The following SH3PXD2B variants were observed in gnomAD, a reference collection of about 807,000 sequenced individuals.
SH3PXD2B encodes SH3 and PX domains 2B, also known as SH3 and PX domain-containing protein 2B.
Under a neutral mutation model 73.1 loss-of-function variants are expected in SH3PXD2B, and 37 were observed. That is an observed-to-expected ratio of 0.51 (90% CI 0.39 to 0.67). The LOEUF (loss-of-function observed/expected upper bound fraction) is 0.67. Ranked by LOEUF, SH3PXD2B falls within the 30% of genes least tolerant of loss-of-function variation. The probability of loss-of-function intolerance (pLI) is 0.00; values close to 1 mark genes in which losing one functional copy is unlikely to be tolerated. For missense variants in SH3PXD2B, 1,053 were observed against 1,197.8 expected (o/e 0.88, Z 1.78); for synonymous variants, 457 against 480.5 (o/e 0.95, Z 0.64).
At chr5:172,356,382 T>C (rs1757278568) in intron 8 of SH3PXD2B, among the ~76,000 whole-genome samples, 1 of 152,152 alleles carries the variant, frequency 6.6e-6, no homozygotes, top group Admixed American at 6.5e-5. Context: ...CTTAACCCGG[T>C]TTACATGGAT....
intron 1 of SH3PXD2B, among the ~76,000 whole-genome samples, chr5:172,433,973 C>T (rs1261531570): frequency 6.6e-6 from 1 of 152,154 alleles, no homozygotes; most frequent in African/African-American, 2.4e-5. Context: ...CCCCATTAAG[C>T]ATGCAAGAAT....
rs1271046674 is a variant in SH3PXD2B at position 172,337,118 on chromosome 5, AACC to A, written c.*1248_*1250del. Reference sequence around the variant, plus strand: ...AGAAGAGGGAACAGGGCTCTGTGTCAACCACCAGGACCCTGGCATTCTCCTGTC... The same window carrying A: ...AGAAGAGGGAACAGGGCTCTGTGTCAACCAGGACCCTGGCATTCTCCTGTC... On this transcript the variant is annotated 3_prime_UTR_variant, in exon 13 of 13. Transcript: ENST00000311601. 3.0e-6 allele frequency: 3 copies of A among 985,302 alleles called. No individual in the cohort carries two copies. In the African/African-American group the frequency reaches 5.2e-5, roughly 17 times the overall value. The allele number at this position is 985,302 out of a possible 1,614,324, so 61.0% of individuals were successfully genotyped here. A position where few individuals can be genotyped will look rare whatever the true frequency, so the allele number is the denominator to read the frequency against.
At position 172,336,998 on chromosome 5, in the gene SH3PXD2B, G is replaced by A. The variant is rs748548885; in HGVS notation, c.*1371C>T. The A allele has an allele frequency of 8.1e-6, 8 of 985,386 alleles. No individual in the cohort carries two copies. The highest frequency in any genetic ancestry group is 1.1e-4 in the East Asian group (1 of 8,818). 61.0% of individuals were successfully genotyped at this position (985,386 alleles called of 1,614,324 possible). On this transcript the variant is annotated 3_prime_UTR_variant, in exon 13 of 13. Coordinates refer to ENST00000311601, the MANE Select transcript of SH3PXD2B (RefSeq NM_001017995.3). ...TGGTTACCTGCCTCCCTATGGGACC[G>A]CTGCATGCTATGCTCAGAGCCCTCC...
chr5:172,383,898 G>C (rs1230304872), intron 4 of SH3PXD2B, among the ~76,000 whole-genome samples: 1 of 151,180 alleles, frequency 6.6e-6, no homozygotes, highest in Non-Finnish European at 1.5e-5. Context: ...CCAGGCTGGA[G>C]TGCTGTGGTG....
chr5:172,339,393 G>T lies in SH3PXD2B; in HGVS notation c.1712C>A (p.Pro571Gln), dbSNP rs111230322. 6.2e-7 allele frequency: 1 copy of T among 1,614,204 alleles called. No individual in the cohort carries two copies. The highest frequency in any genetic ancestry group is 1.1e-5 in the South Asian group (1 of 91,086). The change falls in exon 13 of 13, where the codon CCA (proline) becomes CAA (glutamine). Residue 571 changes from proline to glutamine, a missense_variant. This residue lies in a region of SH3PXD2B where 587 missense variants were observed against 590.7 expected (regional missense o/e 0.99). Transcript: ENST00000311601. This position sits in a 1 kb window ranked among gnomAD's most constrained non-coding sequence, Gnocchi z 6.1. Reference sequence around the variant, plus strand: ...CTCTGGCCTCCTGCTGTCCCGGGCTGGAGGGATGTGTTTGGCTGGCATCAT... The same window carrying T: ...CTCTGGCCTCCTGCTGTCCCGGGCTTGAGGGATGTGTTTGGCTGGCATCAT... ...LPMMPAKHIP[P>Q]ARDSRRPEPK...
At chr5:172,363,003 T>C in intron 6 of SH3PXD2B, 134 bp from the exon 7 acceptor site, 3 of 1,175,234 alleles carry the variant, frequency 2.6e-6, no homozygotes, top group Non-Finnish European at 3.7e-6. Flanking sequence ...CAAGGGTGAC[T>C]TCATCCATTC....
Position 172,339,723 on chromosome 5 carries a change from C to T in SH3PXD2B, c.1382G>A (p.Ser461Asn). The change falls in exon 13 of 13, where the codon AGC (serine) becomes AAC (asparagine). Residue 461 changes from serine (S) to asparagine (N), a missense_variant. Around this residue, in one of 2 missense-constraint regions of SH3PXD2B, gnomAD observed 587 missense variants for 590.7 expected, o/e 0.99. Coordinates refer to ENST00000311601, the MANE Select transcript of SH3PXD2B (RefSeq NM_001017995.3). This position sits in a 1 kb window ranked among gnomAD's most constrained non-coding sequence, Gnocchi z 6.1. Reference sequence around the variant, plus strand: ...GGGCCGGGAGGGGCCCGTGGCTTCGCTGCCCGTGTTGTTCTCCAGCGCTGC... The same window carrying T: ...GGGCCGGGAGGGGCCCGTGGCTTCGTTGCCCGTGTTGTTCTCCAGCGCTGC... ...EAAALENNTG[S>N]EATGPSRPLP... The T allele has an allele frequency of 2.5e-6, 4 of 1,614,176 alleles. No individual in the cohort carries two copies. The highest frequency in any genetic ancestry group is 3.4e-6 in the Non-Finnish European group (4 of 1,180,002).
At chr5:172,329,802 G>T (rs1581252784), downstream of SH3PXD2B, among the ~76,000 whole-genome samples, 1 of 152,282 alleles carries the variant, frequency 6.6e-6, no homozygotes, top group East Asian at 1.9e-4. Context: ...CTCCCAAAGT[G>T]CTGGGATTAC....
intron 2 of SH3PXD2B, among the ~76,000 whole-genome samples, chr5:172,419,368 C>T (rs1758903887): frequency 6.6e-6 from 1 of 151,760 alleles, no homozygotes; most frequent in African/African-American, 2.4e-5. Flanking sequence ...CTCTACGTCC[C>T]CACCTCCTCG....
intron 2 of SH3PXD2B, among the ~76,000 whole-genome samples, chr5:172,417,823 C>G (rs1758860495): frequency 6.6e-6 from 1 of 152,164 alleles, no homozygotes; most frequent in East Asian, 1.9e-4. Flanking sequence ...TAAAAGTCAC[C>G]CTTTTAGAGT....
intron 1 of SH3PXD2B, among the ~76,000 whole-genome samples, chr5:172,448,817 C>A (rs1417723323): frequency 6.6e-6 from 1 of 152,252 alleles, no homozygotes. Flanking sequence ...TTACCTCTAA[C>A]ACCCGAGTTC....
chr5:172,430,508 CAGTCTGAATGGAAGGG>C (rs1366308410), intron 1 of SH3PXD2B, among the ~76,000 whole-genome samples: 1 of 152,254 alleles, frequency 6.6e-6, no homozygotes, highest in Non-Finnish European at 1.5e-5. Flanking sequence ...CCCTGGGCCT[CAGTCTGAATGGAAGGG>C]AGCCATTATC....
downstream of SH3PXD2B, among the ~76,000 whole-genome samples, chr5:172,330,506 G>A (rs528683074): frequency 6.6e-5 from 10 of 152,306 alleles, no homozygotes; most frequent in Non-Finnish European, 1.3e-4. Context: ...GAAACCCAGT[G>A]TAAGTAAACC....
At chr5:172,397,985 C>G (rs1481349348) in intron 3 of SH3PXD2B, among the ~76,000 whole-genome samples, 1 of 152,210 alleles carries the variant, frequency 6.6e-6, no homozygotes, top group African/African-American at 2.4e-5. Context: ...CAATGGAAAT[C>G]TGACACACCT....
In SH3PXD2B at chr5:172,337,728, C is replaced by T. The variant is rs890526576; in HGVS notation, c.*641G>A. The stretch of plus-strand genomic sequence containing the variant: ...CGGTCCCAAGATAGAAGGTGGGAGG[C>T]AGGGCGGCTGAGCGGATCTCCAGGC... On this transcript the variant is annotated 3_prime_UTR_variant, in exon 13 of 13. Transcript: ENST00000311601. 1.2e-5 allele frequency: 12 copies of T among 992,624 alleles called. No homozygotes were observed. The African/African-American group carries it at 1.2e-4, about 10-fold the overall frequency. The allele number at this position is 992,624 out of a possible 1,614,324, so 61.5% of individuals were successfully genotyped here.
chr5:172,334,398 T>A lies in SH3PXD2B; in HGVS notation c.*3971A>T. 1.0e-6 allele frequency: 1 copy of A among 991,188 alleles called. No individual in the cohort carries two copies. The highest frequency in any genetic ancestry group is 1.1e-4 in the East Asian group (1 of 8,840). The allele number at this position is 991,188 out of a possible 1,614,324, so 61.4% of individuals were successfully genotyped here. On this transcript the variant is annotated 3_prime_UTR_variant, in exon 13 of 13. Transcript: ENST00000311601. ...CCCTGCACCCTCAGGCCTCGATGCATGCTGCTCTACCTCTCATCAGCCCAC... is the reference window on the plus strand; with the variant it reads ...CCCTGCACCCTCAGGCCTCGATGCAAGCTGCTCTACCTCTCATCAGCCCAC...
intron 9 of SH3PXD2B, among the ~76,000 whole-genome samples, chr5:172,350,900 C>T (rs1408040735): frequency 1.3e-5 from 2 of 152,194 alleles, no homozygotes; most frequent in Non-Finnish European, 2.9e-5. Flanking sequence ...TCCCAGCAGC[C>T]CCAGCTCTGG....
chr5:172,333,526 G>A lies in SH3PXD2B; in HGVS notation c.*4843C>T, dbSNP rs1216162921. The A allele has an allele frequency of 3.5e-6, 4 of 1,157,710 alleles. No homozygotes were observed. The African/African-American group carries it at 5.5e-5, about 16-fold the overall frequency. 71.7% of individuals were successfully genotyped at this position (1,157,710 alleles called of 1,614,324 possible). A position where few individuals can be genotyped will look rare whatever the true frequency, so the allele number is the denominator to read the frequency against. ...CATGATGAAGCTTGAAACCAGTCAA[G>A]CACTTTTTTTATTTAAAAAAAAAAA... On this transcript the variant is annotated 3_prime_UTR_variant, in exon 13 of 13. Transcript: ENST00000311601.
Position 172,353,062 on chromosome 5 carries a change from C to T in SH3PXD2B, c.785+826G>A, listed in dbSNP as rs1251783548. Among the ~76,000 whole-genome samples, 2 of 152,096 alleles carry T rather than the reference C, an allele frequency of 1.3e-5. No individual in the cohort carries two copies. The highest frequency in any genetic ancestry group is 1.3e-4 in the Admixed American group (2 of 15,264). ...CCGTTTATGAGTTTGTCTTCTGTAC[C>T]AGGTGGTGTGAGCTATTGTATCTTG... On this transcript the variant is annotated intron_variant, in intron 9 of 12. Coordinates refer to ENST00000311601, the MANE Select transcript of SH3PXD2B (RefSeq NM_001017995.3). This position sits in a 1 kb window ranked among gnomAD's most constrained non-coding sequence, Gnocchi z 4.3.
Sources: allele counts gnomAD v4.1 joint callset (sites outside exome capture counted in the v4.1 genomes callset), GRCh38; gene constraint gnomAD v4.1.1; regional missense constraint gnomAD v4.1.1; non-coding constraint Gnocchi (gnomAD v3.1); transcripts MANE v1.5; gene names NCBI Gene and HGNC (gene_info 2026-07-23, HGNC 2026-07-21).